The following THADA variants were observed in gnomAD, a reference collection of about 807,000 sequenced individuals.
The protein encoded by THADA is tRNA (32-2'-O)-methyltransferase regulator THADA.
A neutral mutation model predicts 219.8 loss-of-function variants in THADA; 213 were observed. The ratio of observed to expected loss-of-function variants is 0.97; its 90% CI spans 0.87 to 1.09. THADA has a LOEUF of 1.09. Among genes scored for constraint, THADA ranks in the 50% least tolerant of loss-of-function variants. The pLI is 0.00. For missense variants in THADA, 2,956 were observed against 2,311.3 expected, an observed-to-expected ratio of 1.28 and a Z score of -5.72; for synonymous variants, 1,018 against 828.9, an observed-to-expected ratio of 1.23 and a Z score of -3.92.
intron 29 of THADA, among the ~76,000 whole-genome samples, chr2:43,394,262 C>T (rs1024689375): frequency 3.3e-5 from 5 of 152,060 alleles, no homozygotes; most frequent in African/African-American, 1.2e-4. Flanking sequence ...GAAATGAATC[C>T]CACATGTTCT....
chr2:43,270,264 A>G (rs1671974524), intron 36 of THADA, among the ~76,000 whole-genome samples: 1 of 152,170 alleles, frequency 6.6e-6, no homozygotes, highest in Admixed American at 6.5e-5. Flanking sequence ...TCTGTAAGTC[A>G]GAGGCTCTAA....
At chr2:43,510,407 T>C (rs185905302) in intron 22 of THADA, among the ~76,000 whole-genome samples, 90 of 152,276 alleles carry the variant, frequency 5.9e-4, no homozygotes, top group African/African-American at 2.0e-3. Context: ...GAATTTTTCA[T>C]AATGAAAATA....
At chr2:43,470,811 G>A (rs1684822625) in intron 26 of THADA, among the ~76,000 whole-genome samples, 1 of 152,188 alleles carries the variant, frequency 6.6e-6, no homozygotes, top group African/African-American at 2.4e-5. Flanking sequence ...TCATCCACCT[G>A]GCTTTGGAAG....
intron 22 of THADA, among the ~76,000 whole-genome samples, chr2:43,521,093 G>A (rs959241216): frequency 1.5e-5 from 2 of 132,930 alleles, no homozygotes; most frequent in African/African-American, 2.8e-5. Flanking sequence ...GAAGGGAAGG[G>A]AGGAAAGAGA....
At chr2:43,423,100 C>G (rs1025701281) in intron 28 of THADA, among the ~76,000 whole-genome samples, 2 of 152,166 alleles carry the variant, frequency 1.3e-5, no homozygotes, top group Non-Finnish European at 2.9e-5. Context: ...TAGTACATGG[C>G]TCCTCAATTT....
chr2:43,485,236 A>G lies in THADA; in HGVS notation c.3834T>C (p.Asn1278=), dbSNP rs952567949. 3.7e-6 allele frequency: 6 copies of G among 1,609,016 alleles called. No individual in the cohort carries two copies. Among genetic ancestry groups the G allele is most frequent in the African/African-American group, 2.7e-5 (2 of 74,744 alleles). Residue 1278 remains asparagine, a splice_region_variant and synonymous_variant, in exon 26 of 38, where the codon AAT becomes AAC. Coordinates refer to ENST00000405975, the MANE Select transcript of THADA (RefSeq NM_022065.5). ...AGTTAGCCTTAAATGGAGCTTACCTATTTGTTTTGGAATGTTCATCCTTTG... is the reference window on the plus strand; with the variant it reads ...AGTTAGCCTTAAATGGAGCTTACCTGTTTGTTTTGGAATGTTCATCCTTTG... ...KRAKDEHSKT[N]RMTGREFFSR...
chr2:43,564,604 A>C (rs1278795382), intron 15 of THADA: 2 of 152,228 alleles, frequency 1.3e-5, no homozygotes, highest in African/African-American at 4.8e-5. Context: ...CTTCCATGTA[A>C]GGTTTGCATT....
At chr2:43,584,326 T>C (rs1345143810) in intron 7 of THADA, among the ~76,000 whole-genome samples, 1 of 152,146 alleles carries the variant, frequency 6.6e-6, no homozygotes, top group Admixed American at 6.5e-5. Context: ...AGATCTAACT[T>C]GGAGTAATAA....
At chr2:43,590,706 G>T (rs931516590) in intron 4 of THADA, 118 bp downstream of exon 4, 21 of 890,972 alleles carry the variant, frequency 2.4e-5, no homozygotes, top group Middle Eastern at 3.3e-4. Context: ...CAAACCATAT[G>T]AATGAACTTT....
At chr2:43,572,470 T>A (rs1205610676) in intron 12 of THADA, among the ~76,000 whole-genome samples, 1 of 152,208 alleles carries the variant, frequency 6.6e-6, no homozygotes, top group African/African-American at 2.4e-5. Context: ...TAATCATATC[T>A]ATCACTTTCC....
At chr2:43,580,020 A>C (rs1320380183) in intron 8 of THADA, among the ~76,000 whole-genome samples, 1 of 127,166 alleles carries the variant, frequency 7.9e-6, no homozygotes, top group African/African-American at 3.1e-5. Flanking sequence ...AAAAAAAGCT[A>C]CTTCTTTTTT....
chr2:43,396,960 T>A lies in THADA; in HGVS notation c.4227+1011A>T, dbSNP rs937068092. On this transcript the variant is annotated intron_variant, in intron 29 of 37. Coordinates refer to ENST00000405975, the MANE Select transcript of THADA (RefSeq NM_022065.5). The stretch of plus-strand genomic sequence containing the variant: ...AATAACAATAATGACTGTCTATATA[T>A]CTTGTGGTGTACCCGGCACTATTCT... Among the ~76,000 whole-genome samples, 7 of 152,334 alleles carry A rather than the reference T, an allele frequency of 4.6e-5. No homozygotes were observed. In the South Asian group the frequency reaches 1.2e-3, roughly 27 times the overall value.
chr2:43,428,374 G>A (rs773620406), intron 27 of THADA, 143 bp from the exon 28 acceptor site: 19 of 697,382 alleles, frequency 2.7e-5, no homozygotes, highest in Non-Finnish European at 4.1e-5. Flanking sequence ...TTGGGAGGCC[G>A]AGGCGGATGG....
At chr2:43,381,405 G>A (rs949647897) in intron 29 of THADA, among the ~76,000 whole-genome samples, 1 of 152,052 alleles carries the variant, frequency 6.6e-6, no homozygotes, top group East Asian at 1.9e-4. Flanking sequence ...CCAGCCTCAG[G>A]AGGTGAAGCT....
At chr2:43,401,650 C>T (rs1318031049) in intron 28 of THADA, among the ~76,000 whole-genome samples, 2 of 152,208 alleles carry the variant, frequency 1.3e-5, no homozygotes, top group Non-Finnish European at 2.9e-5. Context: ...GATAAAACAC[C>T]TGCACACCTG....
intron 29 of THADA, among the ~76,000 whole-genome samples, chr2:43,377,387 AT>A (rs145512633): frequency 9.3e-5 from 14 of 150,016 alleles, no homozygotes; most frequent in African/African-American, 2.2e-4. Flanking sequence ...TTAGACATAG[AT>A]TTTTTTTTTA....
intron 21 of THADA, among the ~76,000 whole-genome samples, chr2:43,534,661 G>A (rs1489409661): frequency 6.6e-6 from 1 of 152,078 alleles, no homozygotes; most frequent in Non-Finnish European, 1.5e-5. Flanking sequence ...CTTTATTATG[G>A]CTGAATAGTA....
chr2:43,321,187 T>G (rs940746353), intron 30 of THADA, among the ~76,000 whole-genome samples: 1 of 152,224 alleles, frequency 6.6e-6, no homozygotes, highest in South Asian at 2.1e-4. Flanking sequence ...AAGACTTTCT[T>G]TTTAAGAACA....
Position 43,240,651 on chromosome 2 carries a change from T to C in THADA, c.5297-7769A>G, listed in dbSNP as rs72875578. The stretch of plus-strand genomic sequence containing the variant: ...ATGGCCATGCTATCAAATGCCATCA[T>C]TTCAACCTTTACCACCAATTAAAAG... On this transcript the variant is annotated intron_variant, in intron 36 of 37. Transcript: ENST00000405975. Among the ~76,000 whole-genome samples, 966 of 152,284 alleles carry C rather than the reference T, an allele frequency of 6.3e-3. 15 individuals carry two copies. The highest frequency in any genetic ancestry group is 0.022 in the African/African-American group (918 of 41,546).
Sources: gnomAD v4.1 joint callset for allele counts (sites outside exome capture counted in the v4.1 genomes callset) on GRCh38, gnomAD v4.1.1 for gene constraint, MANE v1.5 for transcripts, NCBI Gene and HGNC (gene_info 2026-07-23, HGNC 2026-07-21) for gene names.